ESRRB: variants seen among roughly 807,000 people sequenced by gnomAD.
The protein encoded by ESRRB is steroid hormone receptor ERR2.
A neutral mutation model predicts 46.0 loss-of-function variants in ESRRB; 16 were observed. That is an observed-to-expected ratio of 0.35 (90% CI 0.24 to 0.53). The LOEUF is 0.53. ESRRB is among the 20% of genes least tolerant of loss of function. The probability of loss-of-function intolerance (pLI) is 0.93; values close to 1 mark genes in which losing one functional copy is unlikely to be tolerated. For missense variants in ESRRB, 488 were observed against 607.4 expected, an observed-to-expected ratio of 0.80 and a Z score of 2.07; for synonymous variants, 246 against 259.6, an observed-to-expected ratio of 0.95 and a Z score of 0.50.
rs1454814789 is a variant in ESRRB at position 76,498,384 on chromosome 14, T to C, written c.1291T>C (p.Phe431Leu). 6.2e-7 allele frequency: 1 copy of C among 1,613,342 alleles called. No homozygotes were observed. The change falls in exon 7 of 7, where the codon TTC becomes CTC. Residue 431 changes from phenylalanine (F) to leucine (L), a missense_variant. By Grantham distance (22) the Phe-to-Leu change is conservative (BLOSUM62 0). Coordinates refer to ENST00000644823, the MANE Select transcript of ESRRB (RefSeq NM_001379180.1). ...RQTAAKAVQH[F>L]YSVKLQGKVP... ...GACGGCCGCCAAGGCCGTGCAGCAC[T>C]TCTATAGCGTCAAACTGCAGGGCAA...
chr14:76,478,547 AG>A (rs1253008690), intron 3 of ESRRB, among the ~76,000 whole-genome samples: 1 of 152,024 alleles, frequency 6.6e-6, no homozygotes, highest in Non-Finnish European at 1.5e-5. Flanking sequence ...AGAGAAGGTC[AG>A]TAAAGTGGGG....
At chr14:76,365,147 C>A (rs1339615874) in intron 1 of ESRRB, among the ~76,000 whole-genome samples, 1 of 152,062 alleles carries the variant, frequency 6.6e-6, no homozygotes, top group Admixed American at 6.6e-5. Context: ...ACAGAATAAC[C>A]AGAGTGAAGT....
intron 6 of ESRRB, among the ~76,000 whole-genome samples, chr14:76,497,954 G>T (rs899689334): frequency 6.6e-6 from 1 of 151,828 alleles, no homozygotes; most frequent in Non-Finnish European, 1.5e-5. Context: ...TTCCAAGTCT[G>T]GCTCCAGGGT....
Position 76,346,220 on chromosome 14 carries a change from G to A in ESRRB, c.2+35304G>A, listed in dbSNP as rs113767464. On this transcript the variant is annotated intron_variant, in intron 1 of 6. Transcript: ENST00000512784. Reference sequence around the variant, plus strand: ...CTATTCAACCCAGTACATGGTCAGGGCTAAAAAGATGGAATCCATGCAGAT... The same window carrying A: ...CTATTCAACCCAGTACATGGTCAGGACTAAAAAGATGGAATCCATGCAGAT... 7.3e-3 allele frequency among the ~76,000 whole-genome samples: 1,108 copies of A among 152,292 alleles called. 15 individuals carry two copies. Among genetic ancestry groups the A allele is most frequent in the African/African-American group, 0.025 (1,032 of 41,564 alleles).
chr14:76,391,100 G>A (rs150094721), intron 1 of ESRRB, among the ~76,000 whole-genome samples: 9 of 152,312 alleles, frequency 5.9e-5, no homozygotes, highest in South Asian at 2.1e-4. Flanking sequence ...GGCCAATCCC[G>A]AGTTGGATCA....
intron 1 of ESRRB, among the ~76,000 whole-genome samples, chr14:76,393,306 A>G (rs916758697): frequency 6.6e-6 from 1 of 152,116 alleles, no homozygotes; most frequent in Non-Finnish European, 1.5e-5. Context: ...TAGCTCCAGT[A>G]GACGCCCCTA....
intron 3 of ESRRB, among the ~76,000 whole-genome samples, chr14:76,465,086 G>A (rs935983461): frequency 1.3e-5 from 2 of 152,096 alleles, no homozygotes; most frequent in South Asian, 2.1e-4. Flanking sequence ...CAGTATCCGC[G>A]GCACTTAGAG....
chr14:76,431,427 C>G (rs1077429), intron 1 of ESRRB, among the ~76,000 whole-genome samples: 58,148 of 152,104 alleles, frequency 0.38, 12,551 homozygotes, highest in African/African-American at 0.6. Flanking sequence ...GATTCCCCTG[C>G]TCTCTGCATT....
At chr14:76,456,156 A>C (rs962519064) in intron 2 of ESRRB, among the ~76,000 whole-genome samples, 1 of 152,094 alleles carries the variant, frequency 6.6e-6, no homozygotes, top group African/African-American at 2.4e-5. Context: ...TGCTGCTGCT[A>C]TATCTTGAGT....
intron 1 of ESRRB, among the ~76,000 whole-genome samples, chr14:76,323,429 C>A (rs1883891774): frequency 6.6e-6 from 1 of 151,734 alleles, no homozygotes; most frequent in Non-Finnish European, 1.5e-5. Flanking sequence ...CCTGCCTTGG[C>A]TTCTTGAGTA....
At chr14:76,403,235 GCA>G (rs1427068993) in intron 1 of ESRRB, among the ~76,000 whole-genome samples, 2 of 152,138 alleles carry the variant, frequency 1.3e-5, no homozygotes, top group African/African-American at 2.4e-5. Context: ...AAAGAAATAC[GCA>G]CAGAGTTGTG....
intron 1 of ESRRB, among the ~76,000 whole-genome samples, chr14:76,352,544 G>T (rs562322204): frequency 6.6e-5 from 10 of 152,238 alleles, no homozygotes; most frequent in African/African-American, 9.6e-5. Flanking sequence ...CCGGTTGGGG[G>T]CACAGGCCCT....
chr14:76,424,889 AC>A (rs914062561), intron 1 of ESRRB, among the ~76,000 whole-genome samples: 5 of 152,092 alleles, frequency 3.3e-5, no homozygotes, highest in African/African-American at 9.7e-5. Flanking sequence ...GGCATGCACC[AC>A]CACGCCCGGC....
chr14:76,482,647 T>G lies in ESRRB; in HGVS notation c.738T>G (p.Tyr246Ter). 6.2e-7 allele frequency: 1 copy of G among 1,614,176 alleles called. No individual in the cohort carries two copies. Among genetic ancestry groups the G allele is most frequent in the Non-Finnish European group, 8.5e-7 (1 of 1,180,026 alleles). Residue 246 changes from tyrosine to a stop codon, truncating the protein, a stop_gained, in exon 5 of 7, where the codon TAT becomes TAG. Coordinates refer to ENST00000644823, the MANE Select transcript of ESRRB (RefSeq NM_001379180.1). LOFTEE classifies it high-confidence loss of function. This position sits in a 1 kb window ranked among gnomAD's most constrained non-coding sequence, Gnocchi z 4.3. ...YLLVAEPDKL[Y>*]AMPPPGMPEG... ...TGGTGGCTGAGCCGGACAAGCTCTA[T>G]GCCATGCCTCCCCCTGGTATGCCTG... is the stretch of plus-strand genomic sequence containing the variant.
At chr14:76,436,529 C>G (rs1887681203) in intron 1 of ESRRB, among the ~76,000 whole-genome samples, 1 of 152,134 alleles carries the variant, frequency 6.6e-6, no homozygotes, top group South Asian at 2.1e-4. Context: ...CTGTGAAAAG[C>G]AAAACCTAAA....
At position 76,407,685 on chromosome 14, in the gene ESRRB, T is replaced by A. The variant is rs527964874; in HGVS notation, c.50+31234T>A. The stretch of plus-strand genomic sequence containing the variant: ...CGTGGCTGAGCATTGATGCAGACCA[T>A]GCTGTCTTGTGGGAGTGGTCTGGGT... On this transcript the variant is annotated intron_variant, in intron 1 of 6. Coordinates refer to ENST00000644823, the MANE Select transcript of ESRRB (RefSeq NM_001379180.1). 6.7e-6 allele frequency: 5 copies of A among 741,142 alleles called. No individual in the cohort carries two copies. The African/African-American group carries it at 9.5e-5, about 14-fold the overall frequency. 45.9% of individuals were successfully genotyped at this position (741,142 alleles called of 1,614,324 possible). A position where few individuals can be genotyped will look rare whatever the true frequency, so the allele number is the denominator to read the frequency against.
chr14:76,350,181 C>T (rs1270364433), intron 1 of ESRRB, among the ~76,000 whole-genome samples: 1 of 152,170 alleles, frequency 6.6e-6, no homozygotes, highest in African/African-American at 2.4e-5. Flanking sequence ...TGAATCTCTG[C>T]TCCTCTCCCT....
intron 3 of ESRRB, among the ~76,000 whole-genome samples, chr14:76,478,572 T>C (rs1225223844): frequency 6.6e-6 from 1 of 151,972 alleles, no homozygotes; most frequent in Non-Finnish European, 1.5e-5. Flanking sequence ...GGGCTTGTCC[T>C]GGACTCAAGG....
intron 2 of ESRRB, among the ~76,000 whole-genome samples, chr14:76,445,300 T>C (rs534742958): frequency 1.3e-5 from 2 of 150,910 alleles, no homozygotes; most frequent in African/African-American, 4.9e-5. Context: ...TCAAACCCCG[T>C]CTCTACTAAA....
Sources: allele counts gnomAD v4.1 joint callset (sites outside exome capture counted in the v4.1 genomes callset), GRCh38; gene constraint gnomAD v4.1.1; non-coding constraint Gnocchi (gnomAD v3.1); transcripts MANE v1.5; gene names NCBI Gene and HGNC (gene_info 2026-07-23, HGNC 2026-07-21).